Variants in PCLO observed in about 807,000 individuals in gnomAD.
PCLO encodes the protein piccolo presynaptic cytomatrix protein, also known as protein piccolo.
Under a neutral mutation model 427.5 loss-of-function variants are expected in PCLO, and 82 were observed. That is an observed-to-expected ratio of 0.19 (90% CI 0.16 to 0.23). The LOEUF is 0.23. Among genes scored for constraint, PCLO ranks in the 10% least tolerant of loss-of-function variants. The pLI is 1.00. For missense variants in PCLO, 6,239 were observed against 6,115.9 expected, an observed-to-expected ratio of 1.02 and a Z score of -0.67; for synonymous variants, 2,357 against 2,155.4, an observed-to-expected ratio of 1.09 and a Z score of -2.59.
intron 3 of PCLO, among the ~76,000 whole-genome samples, chr7:83,132,060 G>A (rs974994259): frequency 3.3e-5 from 5 of 152,072 alleles, no homozygotes; most frequent in African/African-American, 1.2e-4. Context: ...AAAGTCCTAT[G>A]GAGTAATGAT....
intron 3 of PCLO, among the ~76,000 whole-genome samples, chr7:83,114,919 T>C (rs941914161): frequency 6.6e-6 from 1 of 152,098 alleles, no homozygotes; most frequent in Non-Finnish European, 1.5e-5. Context: ...CTTTCAAGTC[T>C]ATTATTAAGG....
chr7:82,825,347 C>A (rs966083806), intron 18 of PCLO, among the ~76,000 whole-genome samples: 10 of 151,952 alleles, frequency 6.6e-5, no homozygotes, highest in Admixed American at 2.6e-4. Context: ...AACATAAAGT[C>A]AGGCATAATA....
intron 22 of PCLO, among the ~76,000 whole-genome samples, chr7:82,789,109 A>G (rs574917787): frequency 1.3e-5 from 2 of 152,212 alleles, no homozygotes; most frequent in Admixed American, 6.5e-5. Context: ...GAAATGCTAG[A>G]CAAATCTCAA....
intron 20 of PCLO, among the ~76,000 whole-genome samples, chr7:82,808,300 T>C (rs1223286500): frequency 6.6e-6 from 1 of 151,838 alleles, no homozygotes; most frequent in African/African-American, 2.4e-5. Context: ...AAGAGCAAAC[T>C]CACAATGAAC....
intron 3 of PCLO, among the ~76,000 whole-genome samples, chr7:83,013,089 T>C (rs1788124693): frequency 1.3e-5 from 2 of 152,102 alleles, no homozygotes; most frequent in African/African-American, 2.4e-5. Context: ...TAAGATCATA[T>C]ACATATATAC....
At chr7:83,011,113 C>T (rs985005500) in intron 3 of PCLO, among the ~76,000 whole-genome samples, 1 of 151,948 alleles carries the variant, frequency 6.6e-6, no homozygotes, top group Admixed American at 6.6e-5. Context: ...TAATGCTGCT[C>T]TTATTAAACT....
chr7:82,991,917 G>A (rs1167174948), intron 3 of PCLO, among the ~76,000 whole-genome samples: 3 of 152,020 alleles, frequency 2.0e-5, no homozygotes, highest in Non-Finnish European at 4.4e-5. Flanking sequence ...GCATTATCCT[G>A]TAAACTTTTG....
At chr7:83,107,751 G>C (rs1481416593) in intron 3 of PCLO, among the ~76,000 whole-genome samples, 2 of 121,756 alleles carry the variant, frequency 1.6e-5, no homozygotes, top group Admixed American at 8.8e-5. Context: ...AGCACTTTGG[G>C]AGGCCAAGGG....
Position 82,954,657 on chromosome 7 carries a change from T to C in PCLO, c.6296A>G (p.Asp2099Gly). Residue 2099 changes from aspartate to glycine, a missense_variant, in exon 5 of 25, where the codon GAC becomes GGC. Physicochemically the swap from Asp to Gly is moderately conservative, Grantham distance 94 (BLOSUM62 -1). Coordinates refer to ENST00000333891, the MANE Select transcript of PCLO (RefSeq NM_033026.6). ...TGTCAAAGAGGCATCTGGCATTCTG[T>C]CAAAGTCCATGGTGGACTCTGTCAT... ...EDMTESTMDF[D>G]RMPDASLTSS... 6.2e-7 allele frequency: 1 copy of C among 1,613,950 alleles called. No individual in the cohort carries two copies. The highest frequency in any genetic ancestry group is 8.5e-7 in the Non-Finnish European group (1 of 1,179,858).
At chr7:82,821,751 A>T in intron 20 of PCLO, 1 of 981,662 alleles carries the variant, frequency 1.0e-6, no homozygotes, top group South Asian at 4.7e-5. Context: ...CATCACATAC[A>T]AAGTGTGATC....
intron 10 of PCLO, among the ~76,000 whole-genome samples, chr7:82,878,992 A>T (rs1793437201): frequency 6.6e-6 from 1 of 152,090 alleles, no homozygotes; most frequent in Non-Finnish European, 1.5e-5. Context: ...TTTTTTTTGT[A>T]GCTCTAATTT....
chr7:82,988,648 T>A (rs1340806750), intron 3 of PCLO, among the ~76,000 whole-genome samples: 2 of 152,036 alleles, frequency 1.3e-5, no homozygotes, highest in African/African-American at 4.8e-5. Context: ...ATGAAAATAT[T>A]TAACCATTCT....
chr7:82,776,411 G>A lies in PCLO; in HGVS notation c.15008-14918C>T, dbSNP rs183549540. On this transcript the variant is annotated intron_variant, in intron 22 of 24. Transcript: ENST00000333891. Reference sequence around the variant, plus strand: ...AGTTCCAGATCATCCTGGCCAACATGATGAAACCCTGCCTCTACTAAAAAT... The same window carrying A: ...AGTTCCAGATCATCCTGGCCAACATAATGAAACCCTGCCTCTACTAAAAAT... Among the ~76,000 whole-genome samples, 3 of 152,212 alleles carry A rather than the reference G, an allele frequency of 2.0e-5. No individual in the cohort carries two copies. In the East Asian group the frequency reaches 5.8e-4, roughly 29 times the overall value.
chr7:83,159,373 C>T (rs1360195118), intron 1 of PCLO, among the ~76,000 whole-genome samples: 1 of 151,972 alleles, frequency 6.6e-6, no homozygotes, highest in Non-Finnish European at 1.5e-5. Flanking sequence ...TTCTACTAAT[C>T]AGAGAATTTT....
chr7:83,144,365 G>T (rs1333637743), intron 2 of PCLO, among the ~76,000 whole-genome samples: 29 of 92,834 alleles, frequency 3.1e-4, no homozygotes, highest in Non-Finnish European at 2.1e-5. Context: ...AGGTTGCAGT[G>T]AGCTGAGATC....
At chr7:82,819,054 C>T (rs1037159484) in intron 20 of PCLO, among the ~76,000 whole-genome samples, 2 of 152,106 alleles carry the variant, frequency 1.3e-5, no homozygotes, top group Non-Finnish European at 2.9e-5. Flanking sequence ...AATTATATTG[C>T]ATTTTATATA....
Position 82,916,002 on chromosome 7 carries a change from T to C in PCLO, c.11984A>G (p.Asn3995Ser). 6.2e-7 allele frequency: 1 copy of C among 1,612,780 alleles called. No individual in the cohort carries two copies. Among genetic ancestry groups the C allele is most frequent in the South Asian group, 1.1e-5 (1 of 91,088 alleles). ...PLMIAPVSTD[N>S]TFAVSHLGSK... ...ACCAAGATGGGAAACAGCAAATGTGTTATCCGTAGAAACAGGTGCTATCAT... is the reference window on the plus strand; with the variant it reads ...ACCAAGATGGGAAACAGCAAATGTGCTATCCGTAGAAACAGGTGCTATCAT... The change falls in exon 7 of 25, where the codon AAC becomes AGC. Residue 3995 changes from asparagine (N) to serine (S), a missense_variant. Asn to Ser is a conservative substitution (Grantham distance 46, BLOSUM62 1). Coordinates refer to ENST00000333891, the MANE Select transcript of PCLO (RefSeq NM_033026.6).
At chr7:82,789,653 C>A (rs139195130) in intron 22 of PCLO, among the ~76,000 whole-genome samples, 1 of 152,184 alleles carries the variant, frequency 6.6e-6, no homozygotes, top group African/African-American at 2.4e-5. Flanking sequence ...TGCAGTGAGT[C>A]GAGATCGCAC....
intron 3 of PCLO, among the ~76,000 whole-genome samples, chr7:83,029,674 C>T (rs1788608174): frequency 4.0e-5 from 5 of 125,072 alleles, no homozygotes; most frequent in South Asian, 3.0e-4. Flanking sequence ...ATGTTTACTG[C>T]GGCATTATTC....
Sources: gnomAD v4.1 joint callset for allele counts (sites outside exome capture counted in the v4.1 genomes callset) on GRCh38, gnomAD v4.1.1 for gene constraint, MANE v1.5 for transcripts, NCBI Gene and HGNC (gene_info 2026-07-23, HGNC 2026-07-21) for gene names.